SLC4A5: variants seen among roughly 807,000 people sequenced by gnomAD.
SLC4A5 encodes solute carrier family 4 member 5.
A neutral mutation model predicts 120.4 loss-of-function variants in SLC4A5; 96 were observed. The ratio of observed to expected loss-of-function variants is 0.80; its 90% CI spans 0.68 to 0.94. The LOEUF (loss-of-function observed/expected upper bound fraction) is 0.94. Among genes scored for constraint, SLC4A5 ranks in the 40% least tolerant of loss-of-function variants. SLC4A5 has a pLI of 0.00. For synonymous variants in SLC4A5, 550 were observed against 571.1 expected (o/e 0.96, Z 0.53); for missense variants, 1,259 against 1,459.5 (o/e 0.86, Z 2.24).
chr2:74,332,483 T>C (rs1009352625), intron 4 of SLC4A5, among the ~76,000 whole-genome samples: 3 of 152,206 alleles, frequency 2.0e-5, no homozygotes, highest in Non-Finnish European at 4.4e-5. Flanking sequence ...CATGGCTTCA[T>C]TTACTTCCCC....
chr2:74,315,189 CA>C (rs1672927358), intron 5 of SLC4A5, among the ~76,000 whole-genome samples, 164 bp from the exon 6 acceptor site: 1 of 152,048 alleles, frequency 6.6e-6, no homozygotes, highest in South Asian at 2.1e-4. Context: ...CCTGTAATCC[CA>C]GCACTTTGGG....
intron 25 of SLC4A5, 46 bp from the exon 26 acceptor site, chr2:74,227,924 C>A: frequency 6.9e-7 from 1 of 1,457,142 alleles, no homozygotes. Flanking sequence ...CTGGGGCGGC[C>A]CTTGGCCACC....
chr2:74,232,366 G>A (rs941223057), intron 24 of SLC4A5, 103 bp downstream of exon 24: 10 of 1,354,414 alleles, frequency 7.4e-6, no homozygotes, highest in Non-Finnish European at 1.0e-5. Context: ...GTCAGAGCGG[G>A]GGCCCTTTTT....
exon 14 of SLC4A5, chr2:74,254,665 G>T: frequency 6.2e-7 from 1 of 1,614,110 alleles, no homozygotes; most frequent in Non-Finnish European, 8.5e-7. Flanking sequence ...TTCATTGTAG[G>T]ATTTTGCTCT....
chr2:74,308,231 G>C (rs1253553248), intron 6 of SLC4A5, among the ~76,000 whole-genome samples: 1 of 152,198 alleles, frequency 6.6e-6, no homozygotes, highest in Non-Finnish European at 1.5e-5. Flanking sequence ...CAACTCAGTT[G>C]GGTACATACC....
chr2:74,337,390 A>G (rs1205380091), intron 3 of SLC4A5, among the ~76,000 whole-genome samples: 1 of 152,180 alleles, frequency 6.6e-6, no homozygotes, highest in African/African-American at 2.4e-5. Flanking sequence ...CTGAGAGTCT[A>G]GAACCCTGCA....
intron 3 of SLC4A5, among the ~76,000 whole-genome samples, chr2:74,338,217 C>A (rs1344306080): frequency 6.6e-6 from 1 of 152,078 alleles, no homozygotes; most frequent in Admixed American, 6.5e-5. Flanking sequence ...CAAATGGAGG[C>A]CTGATTTTGT....
intron 7 of SLC4A5, among the ~76,000 whole-genome samples, chr2:74,293,234 G>A (rs1310674789): frequency 2.6e-5 from 4 of 152,186 alleles, no homozygotes; most frequent in African/African-American, 4.8e-5. Flanking sequence ...TTTTCTAGAA[G>A]GCTGTATACA....
chr2:74,299,610 G>A (rs2104236663), intron 7 of SLC4A5, among the ~76,000 whole-genome samples: 1 of 152,246 alleles, frequency 6.6e-6, no homozygotes, highest in African/African-American at 2.4e-5. Flanking sequence ...ATAGGTATAT[G>A]AAAAAGTGCT....
intron 8 of SLC4A5, among the ~76,000 whole-genome samples, chr2:74,272,271 G>A (rs971586442): frequency 9.2e-5 from 14 of 152,136 alleles, no homozygotes; most frequent in African/African-American, 1.9e-4. Context: ...TGATGGGCAG[G>A]TGGGGGTTCA....
At chr2:74,263,850 A>ACTCTCCAAGGTGGGCC (rs1206682319) in intron 10 of SLC4A5, among the ~76,000 whole-genome samples, 2 of 151,902 alleles carry the variant, frequency 1.3e-5, no homozygotes, top group African/African-American at 4.8e-5. Flanking sequence ...ATTGACTCCA[A>ACTCTCCAAGGTGGGCC]CTCTCCAAGG....
chr2:74,251,069 T>C (rs1384166148), intron 16 of SLC4A5, among the ~76,000 whole-genome samples: 1 of 152,232 alleles, frequency 6.6e-6, no homozygotes, highest in Non-Finnish European at 1.5e-5. Context: ...CCTAATGCAG[T>C]CCTTAGCATG....
chr2:74,303,301 C>T (rs1246056823), intron 7 of SLC4A5, among the ~76,000 whole-genome samples: 1 of 152,088 alleles, frequency 6.6e-6, no homozygotes, highest in African/African-American at 2.4e-5. Context: ...GGGGGTAGCT[C>T]CCATGGCCTG....
Position 74,224,761 on chromosome 2 carries a change from C to T in SLC4A5, c.3246+79G>A. 4 of 1,546,792 alleles carry T rather than the reference C, an allele frequency of 2.6e-6. No homozygotes were observed. In the South Asian group the frequency reaches 5.1e-5, roughly 20 times the overall value. On this transcript the variant is annotated intron_variant, in intron 28 of 30. Transcript: ENST00000394019. ...CTGCTGCAGGCCACCCAAGAAGCCG[C>T]CCTCTCCCTGTCCCTGGCAAAAGTG...
At chr2:74,229,621 C>T (rs1694990119) in intron 25 of SLC4A5, among the ~76,000 whole-genome samples, 1 of 152,166 alleles carries the variant, frequency 6.6e-6, no homozygotes, top group Non-Finnish European at 1.5e-5. Context: ...TACACAATGG[C>T]ACCTTAGAAC....
At chr2:74,299,552 T>C (rs796403437) in intron 7 of SLC4A5, among the ~76,000 whole-genome samples, 12 of 152,332 alleles carry the variant, frequency 7.9e-5, no homozygotes, top group African/African-American at 2.4e-4. Flanking sequence ...CTCAGTTATG[T>C]CTTTGTTAGC....
At chr2:74,334,585 T>C (rs1474834510) in intron 3 of SLC4A5, among the ~76,000 whole-genome samples, 1 of 152,218 alleles carries the variant, frequency 6.6e-6, no homozygotes, top group Non-Finnish European at 1.5e-5. Flanking sequence ...ATGTGTTTAT[T>C]CATTTGTTCA....
chr2:74,306,458 C>T (rs555941816), intron 6 of SLC4A5, among the ~76,000 whole-genome samples: 13 of 152,178 alleles, frequency 8.5e-5, no homozygotes, highest in Non-Finnish European at 1.8e-4. Context: ...TGACCCAAAT[C>T]GGCCAGAAAC....
chr2:74,292,072 C>T (rs1054446433), intron 7 of SLC4A5, among the ~76,000 whole-genome samples: 4 of 152,226 alleles, frequency 2.6e-5, no homozygotes, highest in African/African-American at 9.6e-5. Context: ...CAAGCTCCCA[C>T]TGAGCCTTAG....
Sources: gnomAD v4.1 joint callset for allele counts (sites outside exome capture counted in the v4.1 genomes callset) on GRCh38, gnomAD v4.1.1 for gene constraint, MANE v1.5 for transcripts, NCBI Gene and HGNC (gene_info 2026-07-23, HGNC 2026-07-21) for gene names.